The following ERBB4 variants were observed in gnomAD, a reference collection of about 807,000 sequenced individuals.
ERBB4 encodes the protein erb-b2 receptor tyrosine kinase 4, also known as receptor tyrosine-protein kinase erbB-4.
ERBB4 carries 42 observed loss-of-function variants against 158.0 expected under a neutral mutation model. That is an observed-to-expected ratio of 0.27 (90% CI 0.21 to 0.34). The LOEUF is 0.34. ERBB4 is among the 10% of genes least tolerant of loss of function. The pLI, the probability that ERBB4 is intolerant of heterozygous loss-of-function variation, is 1.00. For missense variants in ERBB4, 1,333 were observed against 1,624.1 expected (o/e 0.82, Z 3.08); for synonymous variants, 583 against 558.7 (o/e 1.04, Z -0.61).
intron 3 of ERBB4, among the ~76,000 whole-genome samples, chr2:211,941,414 G>C (rs1236748153): frequency 6.6e-6 from 1 of 152,126 alleles, no homozygotes. Context: ...TCACAGGGTA[G>C]TTGAAGAATG....
At chr2:212,482,773 T>G (rs774514806) in intron 1 of ERBB4, among the ~76,000 whole-genome samples, 1 of 152,132 alleles carries the variant, frequency 6.6e-6, no homozygotes, top group Non-Finnish European at 1.5e-5. Context: ...TGGGTCACCA[T>G]GCCCGGCAAA....
At position 211,861,041 on chromosome 2, in the gene ERBB4, TTATATATTTATA is replaced by T. The variant is rs1559585324; in HGVS notation, c.422-72894_422-72883del. Among the ~76,000 whole-genome samples, 13 of 25,566 alleles carry T rather than the reference TTATATATTTATA, an allele frequency of 5.1e-4. 1 individual carries two copies. The highest frequency in any genetic ancestry group is 7.7e-4 in the African/African-American group (3 of 3,908). The allele number at this position is 25,566 out of a possible 152,430, so 16.8% of individuals were successfully genotyped here. A position where few individuals can be genotyped will look rare whatever the true frequency, so the allele number is the denominator to read the frequency against. On this transcript the variant is annotated intron_variant, in intron 3 of 27. Coordinates refer to ENST00000342788, the MANE Select transcript of ERBB4 (RefSeq NM_005235.3). ...TTATATATATATAAATATAATATAT[TTATATATTTATA>T]TATATATAAATATAATATATTTATA...
At chr2:212,351,259 T>C (rs1445012951) in intron 1 of ERBB4, among the ~76,000 whole-genome samples, 1 of 152,002 alleles carries the variant, frequency 6.6e-6, no homozygotes, top group Admixed American at 6.6e-5. Context: ...AGAAAGAAGG[T>C]AGCTACCCAC....
At chr2:211,660,736 T>C (rs1437063856) in intron 15 of ERBB4, among the ~76,000 whole-genome samples, 2 of 152,018 alleles carry the variant, frequency 1.3e-5, no homozygotes, top group East Asian at 1.9e-4. Flanking sequence ...CTAAAGAAGA[T>C]ATAAAAAGTA....
At chr2:211,946,578 T>TC (rs2080701681) in intron 3 of ERBB4, among the ~76,000 whole-genome samples, 1 of 56,466 alleles carries the variant, frequency 1.8e-5, no homozygotes, top group East Asian at 4.2e-4. Context: ...TTAGCTCTCT[T>TC]TTTTTTTTTT....
intron 20 of ERBB4, among the ~76,000 whole-genome samples, chr2:211,503,055 G>C (rs566871050): frequency 6.6e-6 from 1 of 152,254 alleles, no homozygotes; most frequent in African/African-American, 2.4e-5. Flanking sequence ...CCTGGAGCCA[G>C]ACTAGACCTG....
intron 2 of ERBB4, among the ~76,000 whole-genome samples, chr2:212,071,038 T>A (rs2078100505): frequency 6.6e-6 from 1 of 151,950 alleles, no homozygotes; most frequent in Non-Finnish European, 1.5e-5. Flanking sequence ...AATTTGACTC[T>A]GGCATTAAGA....
chr2:212,092,683 T>A (rs924730479), intron 2 of ERBB4, among the ~76,000 whole-genome samples: 3 of 152,232 alleles, frequency 2.0e-5, no homozygotes, highest in Non-Finnish European at 4.4e-5. Context: ...ATACGTTGTA[T>A]ATGTTGAATG....
At chr2:211,402,444 G>A (rs2063065076) in intron 25 of ERBB4, among the ~76,000 whole-genome samples, 1 of 152,046 alleles carries the variant, frequency 6.6e-6, no homozygotes, top group Non-Finnish European at 1.5e-5. Flanking sequence ...AAGCTCAGGT[G>A]AAAGTAATTA....
intron 3 of ERBB4, among the ~76,000 whole-genome samples, chr2:211,917,068 C>A (rs528189055): frequency 6.6e-6 from 1 of 152,184 alleles, no homozygotes; most frequent in East Asian, 1.9e-4. Context: ...GTGGCCACGG[C>A]TGATGTGAGG....
intron 3 of ERBB4, among the ~76,000 whole-genome samples, chr2:211,807,359 G>T (rs1026594244): frequency 6.6e-6 from 1 of 151,988 alleles, no homozygotes; most frequent in African/African-American, 2.4e-5. Flanking sequence ...TGTTCTCATT[G>T]TTCAGTTCCC....
intron 3 of ERBB4, among the ~76,000 whole-genome samples, chr2:211,914,204 G>T (rs576673284): frequency 5.9e-5 from 9 of 151,890 alleles, no homozygotes; most frequent in Admixed American, 3.3e-4. Context: ...GTTGGGAGAG[G>T]GGACTTGAAT....
At chr2:211,568,183 C>A (rs1285432886) in intron 19 of ERBB4, among the ~76,000 whole-genome samples, 1 of 150,134 alleles carries the variant, frequency 6.7e-6, no homozygotes, top group Non-Finnish European at 1.5e-5. Flanking sequence ...TCTCATTGAA[C>A]AGAAGGGAAT....
At chr2:212,316,172 TCTC>T in intron 1 of ERBB4, among the ~76,000 whole-genome samples, 1 of 151,480 alleles carries the variant, frequency 6.6e-6, no homozygotes, top group East Asian at 2.0e-4. Flanking sequence ...TTACTACTTT[TCTC>T]CTAATACTAT....
intron 1 of ERBB4, among the ~76,000 whole-genome samples, chr2:212,166,723 G>T (rs1217872047): frequency 6.6e-6 from 1 of 152,122 alleles, no homozygotes; most frequent in East Asian, 1.9e-4. Context: ...CAAAATGCAT[G>T]ATACTGGTAC....
intron 13 of ERBB4, among the ~76,000 whole-genome samples, chr2:211,676,908 C>A (rs1374973407): frequency 6.6e-6 from 1 of 152,104 alleles, no homozygotes; most frequent in Non-Finnish European, 1.5e-5. Flanking sequence ...ATATTGGGAA[C>A]AAGCATAAAT....
intron 1 of ERBB4, among the ~76,000 whole-genome samples, chr2:212,406,203 T>C (rs953505739): frequency 6.6e-6 from 1 of 152,164 alleles, no homozygotes; most frequent in Admixed American, 6.6e-5. Flanking sequence ...AGAAGTTTCA[T>C]GCACGTTGTA....
intron 27 of ERBB4, among the ~76,000 whole-genome samples, chr2:211,386,574 T>C (rs928880273): frequency 5.3e-5 from 8 of 152,324 alleles, no homozygotes; most frequent in African/African-American, 1.7e-4. Flanking sequence ...ATAGTGCTTC[T>C]CAAGACTGAT....
chr2:212,134,232 G>A (rs1188973148), intron 1 of ERBB4, among the ~76,000 whole-genome samples: 1 of 151,274 alleles, frequency 6.6e-6, no homozygotes, highest in African/African-American at 2.4e-5. Context: ...TTGATAAATT[G>A]CAATTATTAA....
Sources: allele counts gnomAD v4.1 joint callset (sites outside exome capture counted in the v4.1 genomes callset), GRCh38; gene constraint gnomAD v4.1.1; transcripts MANE v1.5; gene names NCBI Gene and HGNC (gene_info 2026-07-23, HGNC 2026-07-21).